The following MYRIP variants were observed in gnomAD, a reference collection of about 807,000 sequenced individuals.
The protein encoded by MYRIP is rab effector MyRIP.
MYRIP carries 49 observed loss-of-function variants against 98.0 expected under a neutral mutation model. The observed-to-expected ratio is 0.50, with a 90% CI of 0.40 to 0.63. The LOEUF (loss-of-function observed/expected upper bound fraction) is 0.63, where lower values mean the gene tolerates loss of function less well. MYRIP is among the 30% of genes least tolerant of loss of function. MYRIP has a pLI of 0.00. For missense variants in MYRIP, 1,004 were observed against 1,058.2 expected, an observed-to-expected ratio of 0.95 and a Z score of 0.71; for synonymous variants, 404 against 409.5, an observed-to-expected ratio of 0.99 and a Z score of 0.16.
intron 2 of MYRIP, among the ~76,000 whole-genome samples, chr3:40,021,813 A>G (rs1947005988): frequency 6.6e-6 from 1 of 152,226 alleles, no homozygotes; most frequent in Non-Finnish European, 1.5e-5. Flanking sequence ...AAATTCTGAC[A>G]TATTGTACTT....
At chr3:40,240,412 T>C (rs1952972017) in intron 12 of MYRIP, among the ~76,000 whole-genome samples, 3 of 152,118 alleles carry the variant, frequency 2.0e-5, no homozygotes, top group African/African-American at 7.2e-5. Context: ...TGCCAGACAG[T>C]GGGCGCAGGT....
At chr3:39,999,857 T>C (rs1946473444) in intron 2 of MYRIP, among the ~76,000 whole-genome samples, 1 of 152,114 alleles carries the variant, frequency 6.6e-6, no homozygotes, top group South Asian at 2.1e-4. Context: ...TAAAAAATGA[T>C]GAGTTCATGT....
chr3:40,192,859 C>T (rs1469090207), intron 10 of MYRIP, among the ~76,000 whole-genome samples: 1 of 152,134 alleles, frequency 6.6e-6, no homozygotes, highest in Non-Finnish European at 1.5e-5. Context: ...GAGGTGGAGA[C>T]AAAATAGCAC....
At chr3:40,177,535 T>C (rs1049552262) in intron 8 of MYRIP, among the ~76,000 whole-genome samples, 1 of 152,192 alleles carries the variant, frequency 6.6e-6, no homozygotes, top group African/African-American at 2.4e-5. Context: ...CAAACTTAAT[T>C]CATCCCCATC....
At chr3:39,984,753 T>G (rs1321767058) in intron 2 of MYRIP, among the ~76,000 whole-genome samples, 5 of 152,010 alleles carry the variant, frequency 3.3e-5, no homozygotes, top group East Asian at 1.9e-4. Context: ...GTAATGGGAT[T>G]GCTGGGTCAA....
At chr3:39,994,724 A>C (rs1367265476) in intron 2 of MYRIP, among the ~76,000 whole-genome samples, 1 of 152,198 alleles carries the variant, frequency 6.6e-6, no homozygotes, top group Admixed American at 6.5e-5. Flanking sequence ...AGATCTGAGA[A>C]TGGACAGACT....
At chr3:39,961,246 G>T (rs1034414595) in intron 2 of MYRIP, among the ~76,000 whole-genome samples, 2 of 152,032 alleles carry the variant, frequency 1.3e-5, no homozygotes, top group African/African-American at 2.4e-5. Flanking sequence ...AGCCAGAATG[G>T]TGTTTACAGG....
At chr3:40,065,686 A>T (rs1450014082) in intron 3 of MYRIP, among the ~76,000 whole-genome samples, 1 of 152,160 alleles carries the variant, frequency 6.6e-6, no homozygotes, top group Non-Finnish European at 1.5e-5. Flanking sequence ...TAGATGCTTT[A>T]ATCTTAGAAA....
chr3:39,991,677 T>A (rs1255142541), intron 2 of MYRIP, among the ~76,000 whole-genome samples: 1 of 152,194 alleles, frequency 6.6e-6, no homozygotes, highest in Admixed American at 6.5e-5. Flanking sequence ...CACCTTCAAG[T>A]ATTTGCTCAA....
At chr3:39,817,491 C>A (rs1429803554) in intron 1 of MYRIP, among the ~76,000 whole-genome samples, 1 of 152,104 alleles carries the variant, frequency 6.6e-6, no homozygotes, top group East Asian at 1.9e-4. Context: ...GCTAGGAATA[C>A]ATGTAATTTA....
intron 1 of MYRIP, among the ~76,000 whole-genome samples, chr3:39,868,865 T>G (rs1224496091): frequency 6.6e-6 from 1 of 152,222 alleles, no homozygotes; most frequent in Non-Finnish European, 1.5e-5. Flanking sequence ...TTTGAATATG[T>G]CAACTCACTA....
At chr3:39,984,460 A>G (rs895069683) in intron 2 of MYRIP, among the ~76,000 whole-genome samples, 3 of 151,510 alleles carry the variant, frequency 2.0e-5, no homozygotes, top group African/African-American at 7.3e-5. Context: ...CCCACCTATG[A>G]GTGAGAATAT....
chr3:40,130,465 C>A (rs1266352256), intron 3 of MYRIP, among the ~76,000 whole-genome samples: 1 of 151,330 alleles, frequency 6.6e-6, no homozygotes, highest in Non-Finnish European at 1.5e-5. Context: ...GCAAGCTCCG[C>A]CTCCCGGGTT....
In MYRIP at chr3:39,976,337, A is replaced by G. The variant is rs564331715; in HGVS notation, c.111-67713A>G. On this transcript the variant is annotated intron_variant, in intron 2 of 16. Coordinates refer to ENST00000302541, the MANE Select transcript of MYRIP (RefSeq NM_015460.4). The stretch of plus-strand genomic sequence containing the variant: ...CATCAGAGAAATGCAAATCAAAACC[A>G]CAATGAGAGACCATCTCACACCAGT... Among the ~76,000 whole-genome samples, 7 of 152,346 alleles carry G rather than the reference A, an allele frequency of 4.6e-5. No homozygotes were observed. In the South Asian group the frequency reaches 8.3e-4, roughly 18 times the overall value.
intron 2 of MYRIP, among the ~76,000 whole-genome samples, chr3:39,974,744 C>A (rs977603846): frequency 6.6e-6 from 1 of 152,162 alleles, no homozygotes; most frequent in Non-Finnish European, 1.5e-5. Context: ...GCTGGTTCAA[C>A]ATATGCAAAT....
intron 2 of MYRIP, among the ~76,000 whole-genome samples, chr3:39,950,930 T>C (rs965579265): frequency 3.3e-5 from 5 of 152,206 alleles, no homozygotes; most frequent in Non-Finnish European, 7.3e-5. Context: ...TATACCTTTT[T>C]GTATTCAGGT....
chr3:40,172,350 A>C (rs1300343600), intron 8 of MYRIP, among the ~76,000 whole-genome samples: 1 of 152,150 alleles, frequency 6.6e-6, no homozygotes, highest in East Asian at 1.9e-4. Context: ...CCTGAAACCA[A>C]GACTTGAAAG....
At chr3:40,071,330 A>G in intron 3 of MYRIP, 2 of 371,742 alleles carry the variant, frequency 5.4e-6, no homozygotes, top group Non-Finnish European at 7.4e-6. Flanking sequence ...GGTGGTTGGG[A>G]CGGATGGCAG....
chr3:39,984,916 A>C (rs1468252376), intron 2 of MYRIP, among the ~76,000 whole-genome samples: 1 of 151,356 alleles, frequency 6.6e-6, no homozygotes, highest in African/African-American at 2.4e-5. Flanking sequence ...AATGATTGCC[A>C]TTCTAACTGG....
Sources: allele counts gnomAD v4.1 joint callset (sites outside exome capture counted in the v4.1 genomes callset), GRCh38; gene constraint gnomAD v4.1.1; transcripts MANE v1.5; gene names NCBI Gene and HGNC (gene_info 2026-07-23, HGNC 2026-07-21).